Variants in NHSL1 observed in about 807,000 individuals in gnomAD.
The protein encoded by NHSL1 is NHS-like protein 1.
A neutral mutation model predicts 95.0 loss-of-function variants in NHSL1; 48 were observed. The ratio of observed to expected loss-of-function variants is 0.51; its 90% CI spans 0.40 to 0.64. The LOEUF is 0.64. Among genes scored for constraint, NHSL1 ranks in the 30% least tolerant of loss-of-function variants. NHSL1 has a pLI of 0.00. For missense variants in NHSL1, 1,971 were observed against 2,077.7 expected (o/e 0.95, Z 1.00); for synonymous variants, 783 against 833.9 (o/e 0.94, Z 1.05).
At chr6:138,479,460 G>A (rs1779284498) in intron 2 of NHSL1, among the ~76,000 whole-genome samples, 1 of 152,170 alleles carries the variant, frequency 6.6e-6, no homozygotes, top group Admixed American at 6.6e-5. Context: ...TGATAACCAA[G>A]CTGGCTACAA....
intron 1 of NHSL1, among the ~76,000 whole-genome samples, chr6:138,526,432 G>C (rs867653975): frequency 1.3e-5 from 2 of 152,296 alleles, no homozygotes; most frequent in South Asian, 4.1e-4. Flanking sequence ...AGTGAGCCAA[G>C]ATTGCACCAC....
intron 1 of NHSL1, among the ~76,000 whole-genome samples, chr6:138,616,238 C>T (rs760360643): frequency 6.6e-6 from 1 of 152,056 alleles, no homozygotes. Flanking sequence ...ATATACATTG[C>T]GGCACACCTA....
intron 3 of NHSL1, among the ~76,000 whole-genome samples, chr6:138,471,677 T>C (rs536458549): frequency 1.1e-4 from 16 of 152,224 alleles, no homozygotes; most frequent in South Asian, 4.2e-4. Context: ...TTTAGATCTA[T>C]TGCACAGCAG....
At chr6:138,445,178 T>G (rs1776783384) in intron 4 of NHSL1, among the ~76,000 whole-genome samples, 1 of 152,212 alleles carries the variant, frequency 6.6e-6, no homozygotes. Context: ...TCTCTTAATC[T>G]CAAGATAATG....
At chr6:138,543,874 T>A (rs1303783309) in intron 1 of NHSL1, among the ~76,000 whole-genome samples, 1 of 152,090 alleles carries the variant, frequency 6.6e-6, no homozygotes. Flanking sequence ...GATCAGAGAG[T>A]AGGCTTTAAA....
intron 1 of NHSL1, among the ~76,000 whole-genome samples, chr6:138,660,640 CA>C (rs887370217): frequency 2.4e-4 from 31 of 127,684 alleles, no homozygotes; most frequent in East Asian, 4.5e-4. Flanking sequence ...GACTCCGTCT[CA>C]AAAAAAAAAA....
At chr6:138,689,218 G>T (rs1437838428) in intron 1 of NHSL1, among the ~76,000 whole-genome samples, 2 of 152,068 alleles carry the variant, frequency 1.3e-5, no homozygotes, top group Admixed American at 6.5e-5. Context: ...ACAAAGACTC[G>T]GCCATCCTGG....
At chr6:138,562,977 T>C (rs902128696) in intron 1 of NHSL1, among the ~76,000 whole-genome samples, 2 of 152,204 alleles carry the variant, frequency 1.3e-5, no homozygotes, top group African/African-American at 4.8e-5. Flanking sequence ...TACTCAAATA[T>C]TCTCAAAGCA....
chr6:138,541,379 A>T (rs1583383582), intron 1 of NHSL1, among the ~76,000 whole-genome samples: 1 of 151,074 alleles, frequency 6.6e-6, no homozygotes, highest in South Asian at 2.1e-4. Flanking sequence ...AAAAAATAAG[A>T]ATAAAAGCAA....
intron 1 of NHSL1, among the ~76,000 whole-genome samples, chr6:138,613,113 C>T (rs958988232): frequency 2.0e-5 from 3 of 152,164 alleles, no homozygotes; most frequent in Non-Finnish European, 4.4e-5. Flanking sequence ...TAAAATGATG[C>T]AAACAGGTAT....
Position 138,523,511 on chromosome 6 carries a change from G to A in NHSL1, c.16+22112C>T, listed in dbSNP as rs143888012. Among the ~76,000 whole-genome samples the A allele has an allele frequency of 2.3e-3, 342 of 150,918 alleles. 1 individual carries two copies. Among genetic ancestry groups the A allele is most frequent in the Middle Eastern group, 3.4e-3 (1 of 292 alleles). ...TTTTGTCGAGACAGGGTCTCGCTAC[G>A]TTGCCCAGGCTGGTCTCAAACTCCT... On this transcript the variant is annotated intron_variant, in intron 1 of 4. Coordinates refer to the NHSL1 transcript ENST00000342260.
intron 1 of NHSL1, among the ~76,000 whole-genome samples, chr6:138,535,224 T>C (rs1184870491): frequency 6.6e-6 from 1 of 151,936 alleles, no homozygotes; most frequent in Non-Finnish European, 1.5e-5. Context: ...AAAATTAATA[T>C]AGTCAATAGA....
In NHSL1 at chr6:138,433,182, C is replaced by G; in HGVS notation, c.1163G>C (p.Arg388Thr). 3 of 1,551,398 alleles carry G rather than the reference C, an allele frequency of 1.9e-6. No homozygotes were observed. The change falls in exon 6 of 8, where the codon AGA becomes ACA. Residue 388 changes from arginine (R) to threonine (T), a missense_variant. Arg to Thr is a moderately conservative substitution (Grantham distance 71). Transcript: ENST00000343505. ...TLLRPKSQEL[R>T]HFESENIMSP... ...CATTATATTTTCACTCTCGAAGTGTCTCAACTCCTGGGATTTGGGTCTCAA... is the reference window on the plus strand; with the variant it reads ...CATTATATTTTCACTCTCGAAGTGTGTCAACTCCTGGGATTTGGGTCTCAA...
chr6:138,539,355 G>A lies in NHSL1; in HGVS notation c.16+6268C>T, dbSNP rs58196573. On this transcript the variant is annotated intron_variant, in intron 1 of 4. Transcript: ENST00000342260. Reference sequence around the variant, plus strand: ...GTATTTTCTTCTGATGTTTAACACAGAAAAATACATACCCCTGCATACATC... The same window carrying A: ...GTATTTTCTTCTGATGTTTAACACAAAAAAATACATACCCCTGCATACATC... Among the ~76,000 whole-genome samples the A allele has an allele frequency of 2.0e-5, 3 of 152,150 alleles. No homozygotes were observed. In the South Asian group the frequency reaches 6.2e-4, roughly 31 times the overall value.
chr6:138,517,948 TGTAC>T (rs1781521675), intron 1 of NHSL1, among the ~76,000 whole-genome samples: 2 of 152,144 alleles, frequency 1.3e-5, no homozygotes, highest in African/African-American at 4.8e-5. Context: ...GTCACATACC[TGTAC>T]TGTAGCTGCA....
In NHSL1 at chr6:138,652,433, T is replaced by G. The variant is rs540934949; in HGVS notation, c.96+40043A>C. Among the ~76,000 whole-genome samples, 56 of 141,180 alleles carry G rather than the reference T, an allele frequency of 4.0e-4. 1 individual carries two copies. The South Asian group carries it at 8.2e-3, about 21-fold the overall frequency. 92.6% of individuals were successfully genotyped at this position (141,180 alleles called of 152,430 possible). A position where few individuals can be genotyped will look rare whatever the true frequency, so the allele number is the denominator to read the frequency against. On this transcript the variant is annotated intron_variant, in intron 1 of 3. Transcript: ENST00000491526. ...CCAGCCTGGGCAACAAGAGTGAAAC[T>G]CTATCTCAAAAAAAAAAAAAAAAAA...
At chr6:138,502,874 G>A (rs1780762693), upstream of NHSL1, among the ~76,000 whole-genome samples, 1 of 152,166 alleles carries the variant, frequency 6.6e-6, no homozygotes, top group Non-Finnish European at 1.5e-5. Flanking sequence ...ATACGTAAGT[G>A]TATGTTAAAT....
Position 138,692,494 on chromosome 6 carries a change from G to A in NHSL1, c.79C>T (p.His27Tyr), listed in dbSNP as rs117934016. ...CACTCACGGATTTTCACTCGGCGGT[G>A]GTCCAGGCGCGCAGCGGCGGCTTGC... Residue 27 changes from histidine (H) to tyrosine (Y), a missense_variant, in exon 1 of 4, where the codon CAC (histidine) becomes TAC (tyrosine). Transcript: ENST00000491526. The surrounding 1 kb of genome is among the most constrained non-coding windows in gnomAD (Gnocchi z 4.0). 5,724 of 197,846 alleles carry A rather than the reference G, an allele frequency of 0.029. 164 individuals are homozygous for A. Among genetic ancestry groups the A allele is most frequent in the South Asian group, 0.085 (1,071 of 12,570 alleles). 12.3% of individuals were successfully genotyped at this position (197,846 alleles called of 1,614,324 possible).
intron 1 of NHSL1, among the ~76,000 whole-genome samples, chr6:138,568,347 C>A (rs916126322): frequency 6.6e-6 from 1 of 152,160 alleles, no homozygotes; most frequent in Non-Finnish European, 1.5e-5. Context: ...TTCTTTGTAT[C>A]CTGCACATAG....
Sources: gnomAD v4.1 joint callset for allele counts (sites outside exome capture counted in the v4.1 genomes callset) on GRCh38, gnomAD v4.1.1 for gene constraint, Gnocchi (gnomAD v3.1) non-coding constraint, MANE v1.5 for transcripts, NCBI Gene and HGNC (gene_info 2026-07-23, HGNC 2026-07-21) for gene names.